The following IGSF21 variants were observed in gnomAD, a reference collection of about 807,000 sequenced individuals.
IGSF21 encodes immunoglobulin superfamily member 21.
In IGSF21, 28 loss-of-function variants were observed where a neutral mutation model predicts 46.8. That is an observed-to-expected ratio of 0.60 (90% CI 0.44 to 0.82). The LOEUF (loss-of-function observed/expected upper bound fraction) is 0.82. IGSF21 is among the 40% of genes least tolerant of loss of function. The pLI, the probability that IGSF21 is intolerant of heterozygous loss-of-function variation, is 0.00. For synonymous variants in IGSF21, 284 were observed against 273.6 expected, an observed-to-expected ratio of 1.04 and a Z score of -0.38; for missense variants, 624 against 665.5, an observed-to-expected ratio of 0.94 and a Z score of 0.69.
intron 2 of IGSF21, among the ~76,000 whole-genome samples, chr1:18,284,345 G>A (rs531800554): frequency 9.9e-5 from 15 of 152,208 alleles, no homozygotes; most frequent in Non-Finnish European, 2.2e-4. Flanking sequence ...CATTGAGCAT[G>A]TACTACGTGC....
At chr1:18,326,340 A>G (rs1035672715) in intron 3 of IGSF21, among the ~76,000 whole-genome samples, 7 of 152,164 alleles carry the variant, frequency 4.6e-5, no homozygotes, top group African/African-American at 1.7e-4. Flanking sequence ...TCATTACTTC[A>G]TGCTTGGGAT....
At chr1:18,302,767 TAGA>T (rs1205785512) in intron 3 of IGSF21, among the ~76,000 whole-genome samples, 1 of 152,152 alleles carries the variant, frequency 6.6e-6, no homozygotes, top group Non-Finnish European at 1.5e-5. Context: ...GTTTCCAATT[TAGA>T]AGGAGGGTCA....
chr1:18,245,107 G>T (rs1398584116), intron 2 of IGSF21, among the ~76,000 whole-genome samples: 1 of 152,088 alleles, frequency 6.6e-6, no homozygotes, highest in Non-Finnish European at 1.5e-5. Flanking sequence ...TGTAAAAAAG[G>T]GTTTCCCTGT....
chr1:18,336,274 G>A (rs2124607338), intron 4 of IGSF21, among the ~76,000 whole-genome samples: 1 of 152,324 alleles, frequency 6.6e-6, no homozygotes, highest in East Asian at 1.9e-4. Context: ...AGAGTAAAGG[G>A]ATAAAGAGTG....
At chr1:18,180,161 G>A (rs894659619) in intron 1 of IGSF21, among the ~76,000 whole-genome samples, 1 of 152,202 alleles carries the variant, frequency 6.6e-6, no homozygotes, top group Non-Finnish European at 1.5e-5. Flanking sequence ...TCCACTGCGT[G>A]ACACATGGAA....
chr1:18,284,928 T>C (rs902264096), intron 2 of IGSF21, among the ~76,000 whole-genome samples: 1 of 150,064 alleles, frequency 6.7e-6, no homozygotes, highest in Admixed American at 6.6e-5. Flanking sequence ...CACAGAGACC[T>C]CAGCTGCTCC....
intron 1 of IGSF21, among the ~76,000 whole-genome samples, chr1:18,157,097 C>T (rs1188242325): frequency 6.6e-6 from 1 of 151,996 alleles, no homozygotes; most frequent in East Asian, 1.9e-4. Context: ...GCATGCACTC[C>T]AGCCTGGGTG....
intron 4 of IGSF21, among the ~76,000 whole-genome samples, chr1:18,358,722 C>A (rs1296861643): frequency 6.6e-6 from 1 of 152,228 alleles, no homozygotes; most frequent in Non-Finnish European, 1.5e-5. Flanking sequence ...ACTGAATCTT[C>A]ACAAGTACCT....
chr1:18,365,454 C>T lies in IGSF21; in HGVS notation c.772C>T (p.Leu258Phe). 1 of 1,614,132 alleles carries T rather than the reference C, an allele frequency of 6.2e-7. No individual in the cohort carries two copies. Among genetic ancestry groups the T allele is most frequent in the Non-Finnish European group, 8.5e-7 (1 of 1,180,024 alleles). Residue 258 changes from leucine to phenylalanine, a missense_variant, in exon 6 of 10, where the codon CTC (leucine) becomes TTC (phenylalanine). Coordinates refer to ENST00000251296, the MANE Select transcript of IGSF21 (RefSeq NM_032880.5). This position sits in a 1 kb window ranked among gnomAD's most constrained non-coding sequence, Gnocchi z 4.8. ...RGLTPDPNIL[L>F]QPTTENIPET... ...CCTGACCCCAGATCCCAACATCCTC[C>T]TCCAGCCAACCACAGAGAACATACC... is the stretch of plus-strand genomic sequence containing the variant.
chr1:18,357,303 G>C (rs1033454802), intron 4 of IGSF21, among the ~76,000 whole-genome samples: 1 of 149,594 alleles, frequency 6.7e-6, no homozygotes, highest in Non-Finnish European at 1.5e-5. Flanking sequence ...GAGTGGGGAT[G>C]AGGGTGGAAA....
At chr1:18,215,940 C>G (rs2084440140) in intron 1 of IGSF21, among the ~76,000 whole-genome samples, 1 of 152,188 alleles carries the variant, frequency 6.6e-6, no homozygotes, top group Non-Finnish European at 1.5e-5. Flanking sequence ...GTGCAGCACA[C>G]TCACTGAGCA....
rs1442399235 is a variant in IGSF21, at chr1:18,334,120, G to A, written c.306-772G>A. 6.6e-6 allele frequency among the ~76,000 whole-genome samples: 1 copy of A among 152,176 alleles called. No homozygotes were observed. Among genetic ancestry groups the A allele is most frequent in the African/African-American group, 2.4e-5 (1 of 41,432 alleles). Reference sequence around the variant, plus strand: ...TTTTAGGAGAAAAGACTGAAAGCAGGTTTGAGGGGGTCTCTCCCATCCTTA... The same window carrying A: ...TTTTAGGAGAAAAGACTGAAAGCAGATTTGAGGGGGTCTCTCCCATCCTTA... On this transcript the variant is annotated intron_variant, in intron 3 of 9. Transcript: ENST00000251296. This position sits in a 1 kb window ranked among gnomAD's most constrained non-coding sequence, Gnocchi z 4.3.
chr1:18,276,948 C>T (rs1227066355), intron 2 of IGSF21, among the ~76,000 whole-genome samples: 1 of 152,192 alleles, frequency 6.6e-6, no homozygotes, highest in Non-Finnish European at 1.5e-5. Flanking sequence ...TATAACTCAT[C>T]TCTCCCAGCC....
Position 18,376,860 on chromosome 1 carries a change from G to A in IGSF21, c.1162G>A (p.Gly388Ser), listed in dbSNP as rs141713686. 2.0e-5 allele frequency: 32 copies of A among 1,611,786 alleles called. 1 individual carries two copies. The highest frequency in any genetic ancestry group is 1.1e-4 in the South Asian group (10 of 91,016). ...GCGGGTTGGGAGCCGCCTCCTGGAC[G>A]GCAGCGCTGAGTTCGACGGGAAGGA... is the stretch of plus-strand genomic sequence containing the variant. Reference protein sequence around the residue: ...WTRVGSRLLDGSAEFDGKELV... With the variant: ...WTRVGSRLLDSSAEFDGKELV... Residue 388 changes from glycine (G) to serine (S), a missense_variant, in exon 8 of 10, where the codon GGC becomes AGC. Coordinates refer to ENST00000251296, the MANE Select transcript of IGSF21 (RefSeq NM_032880.5).
intron 1 of IGSF21, among the ~76,000 whole-genome samples, chr1:18,225,224 C>A (rs912717896): frequency 6.6e-6 from 1 of 151,956 alleles, no homozygotes; most frequent in Non-Finnish European, 1.5e-5. Context: ...AGAGCCACCC[C>A]ACTCCTGCAC....
intron 2 of IGSF21, among the ~76,000 whole-genome samples, chr1:18,264,207 C>T (rs2084971065): frequency 6.6e-6 from 1 of 152,152 alleles, no homozygotes; most frequent in Admixed American, 6.6e-5. Context: ...CCTATTTCCC[C>T]CTCTCTCATC....
Position 18,141,094 on chromosome 1 carries a change from C to T in IGSF21, c.70+32896C>T, listed in dbSNP as rs931031128. ...AACCTTTTCTCTTTCCTCACCACCT[C>T]GGGGGTCACCCAGCAGGACAGGATG... On this transcript the variant is annotated intron_variant, in intron 1 of 9. Transcript: ENST00000251296. Among the ~76,000 whole-genome samples, 22 of 152,146 alleles carry T rather than the reference C, an allele frequency of 1.4e-4. No individual in the cohort carries two copies. In the East Asian group the frequency reaches 1.9e-3, roughly 13 times the overall value.
At chr1:18,183,547 A>G (rs2086876150) in intron 1 of IGSF21, among the ~76,000 whole-genome samples, 1 of 152,228 alleles carries the variant, frequency 6.6e-6, no homozygotes, top group Admixed American at 6.5e-5. Flanking sequence ...GATAGCCTTG[A>G]GCAGCATTTG....
chr1:18,177,870 T>G (rs2086818006), intron 1 of IGSF21, among the ~76,000 whole-genome samples: 1 of 152,072 alleles, frequency 6.6e-6, no homozygotes, highest in East Asian at 1.9e-4. Flanking sequence ...GATGATGAAT[T>G]TGGATCTCCT....
Sources: gnomAD v4.1 joint callset for allele counts (sites outside exome capture counted in the v4.1 genomes callset) on GRCh38, gnomAD v4.1.1 for gene constraint, Gnocchi (gnomAD v3.1) non-coding constraint, MANE v1.5 for transcripts, NCBI Gene and HGNC (gene_info 2026-07-23, HGNC 2026-07-21) for gene names.